Variants in MAST4 observed in about 807,000 individuals in gnomAD.
MAST4 encodes the protein microtubule-associated serine/threonine-protein kinase 4.
MAST4 carries 89 observed loss-of-function variants against 162.7 expected under a neutral mutation model. That is an observed-to-expected ratio of 0.55 (90% confidence interval 0.46 to 0.65). The LOEUF is 0.65. Ranked by LOEUF, MAST4 falls within the 30% of genes least tolerant of loss-of-function variation. The pLI, the probability that MAST4 is intolerant of heterozygous loss-of-function variation, is 0.00. For synonymous variants in MAST4, 1,479 were observed against 1,361.1 expected (o/e 1.09, Z -1.91); for missense variants, 3,153 against 3,374.0 (o/e 0.93, Z 1.62).
At chr5:66,940,472 C>T (rs1743240601) in intron 4 of MAST4, among the ~76,000 whole-genome samples, 1 of 152,054 alleles carries the variant, frequency 6.6e-6, no homozygotes, top group Non-Finnish European at 1.5e-5. Flanking sequence ...ATTCTAAATC[C>T]TTTGGTTTTA....
At chr5:66,957,304 C>T (rs1173546963) in intron 4 of MAST4, among the ~76,000 whole-genome samples, 1 of 151,972 alleles carries the variant, frequency 6.6e-6, no homozygotes, top group African/African-American at 2.4e-5. Flanking sequence ...ACCAACTTTC[C>T]TAAGGAAAGT....
chr5:66,964,657 C>T (rs552208463), intron 4 of MAST4, among the ~76,000 whole-genome samples: 1 of 152,202 alleles, frequency 6.6e-6, no homozygotes, highest in East Asian at 1.9e-4. Flanking sequence ...AAAAATTAGC[C>T]GGGCGTGGTG....
chr5:67,057,793 A>G (rs540513014), intron 5 of MAST4, among the ~76,000 whole-genome samples: 3 of 152,222 alleles, frequency 2.0e-5, no homozygotes, highest in Non-Finnish European at 4.4e-5. Context: ...GTTTGTGCCC[A>G]TGACTGATTG....
At chr5:66,717,381 A>G (rs978204408) in intron 1 of MAST4, among the ~76,000 whole-genome samples, 8 of 152,184 alleles carry the variant, frequency 5.3e-5, no homozygotes, top group Non-Finnish European at 7.3e-5. Flanking sequence ...CAAAGTGGAT[A>G]TTTTTACTAT....
chr5:67,131,767 T>G (rs1483458636), intron 15 of MAST4, 46 bp from the exon 16 acceptor site: 1 of 1,597,526 alleles, frequency 6.3e-7, no homozygotes, highest in African/African-American at 1.3e-5. Flanking sequence ...ATTTTCTACA[T>G]TAAGCCTTCA....
chr5:66,921,634 C>T (rs943618023), intron 4 of MAST4, among the ~76,000 whole-genome samples: 1 of 152,056 alleles, frequency 6.6e-6, no homozygotes, highest in African/African-American at 2.4e-5. Context: ...TGGCGCACGC[C>T]TGTAATCCCA....
chr5:66,732,196 G>C (rs1420202100), intron 1 of MAST4, among the ~76,000 whole-genome samples: 1 of 151,944 alleles, frequency 6.6e-6, no homozygotes, highest in Non-Finnish European at 1.5e-5. Context: ...TTCAGTTACT[G>C]CTGGTCATTG....
intron 4 of MAST4, among the ~76,000 whole-genome samples, chr5:66,997,211 G>T (rs564548010): frequency 6.6e-6 from 1 of 151,878 alleles, no homozygotes; most frequent in African/African-American, 2.4e-5. Context: ...ATATGTGTTT[G>T]GACATGTACA....
At chr5:66,783,257 G>A (rs557956582) in intron 2 of MAST4, 1 of 152,290 alleles carries the variant, frequency 6.6e-6, no homozygotes, top group South Asian at 2.1e-4. Flanking sequence ...AATTTAATGT[G>A]TGTTGGGTAG....
intron 2 of MAST4, among the ~76,000 whole-genome samples, chr5:66,786,409 C>G (rs1001810208): frequency 1.3e-5 from 2 of 151,040 alleles, no homozygotes; most frequent in South Asian, 2.1e-4. Flanking sequence ...CAATCATGCC[C>G]TTTTCCAAAA....
At chr5:67,001,095 G>A (rs1236890015) in intron 4 of MAST4, among the ~76,000 whole-genome samples, 2 of 152,176 alleles carry the variant, frequency 1.3e-5, no homozygotes, top group Non-Finnish European at 2.9e-5. Context: ...ATAGTCTTAA[G>A]AATTTCCAGT....
Position 67,145,163 on chromosome 5 carries a change from A to G in MAST4, c.2878A>G (p.Asn960Asp). Residue 960 changes from asparagine (N) to aspartate (D), a missense_variant, in exon 23 of 29, where the codon AAC (asparagine) becomes GAC (aspartate). Asn to Asp is a conservative substitution (Grantham distance 23). Coordinates refer to ENST00000403625, the MANE Select transcript of MAST4 (RefSeq NM_001164664.2). ...YSEMQQLSTS[N>D]SSDTESNRHK... The stretch of plus-strand genomic sequence containing the variant: ...ATTAAGGCAACAGCTATCAACATCC[A>G]ACTCTTCAGATACTGAAAGCAACAG... The G allele has an allele frequency of 6.2e-7, 1 of 1,610,948 alleles. No homozygotes were observed. Among genetic ancestry groups the G allele is most frequent in the East Asian group, 2.2e-5 (1 of 44,836 alleles).
At chr5:66,764,061 G>A (rs559682599) in intron 2 of MAST4, among the ~76,000 whole-genome samples, 11 of 152,148 alleles carry the variant, frequency 7.2e-5, no homozygotes, top group Non-Finnish European at 1.5e-4. Context: ...GGCATTTGGT[G>A]GTGTATCAGT....
rs115155623 is a variant in MAST4 at position 67,006,094 on chromosome 5, C to T, written c.675-48310C>T. Among the ~76,000 whole-genome samples the T allele has an allele frequency of 8.1e-3, 1,231 of 152,218 alleles. 13 individuals are homozygous for T. The highest frequency in any genetic ancestry group is 0.027 in the African/African-American group (1,141 of 41,528). The stretch of plus-strand genomic sequence containing the variant: ...TGATACTTTAGAAAACTTAGTTTTT[C>T]CTTTTGAAGTTTTTCATGGTTTCTT... On this transcript the variant is annotated intron_variant, in intron 4 of 28. Transcript: ENST00000403625.
chr5:66,756,207 A>G (rs1029578530), intron 1 of MAST4, among the ~76,000 whole-genome samples: 2 of 152,174 alleles, frequency 1.3e-5, no homozygotes, highest in African/African-American at 4.8e-5. Flanking sequence ...CAAATTTTCT[A>G]TGGCTCTTGT....
chr5:66,967,606 A>G (rs1746897097), intron 4 of MAST4, among the ~76,000 whole-genome samples: 2 of 151,470 alleles, frequency 1.3e-5, no homozygotes, highest in South Asian at 4.2e-4. Context: ...AAAGATGCAG[A>G]CTGTATTCCT....
chr5:66,804,641 G>C (rs920909310), intron 3 of MAST4, among the ~76,000 whole-genome samples: 1 of 152,184 alleles, frequency 6.6e-6, no homozygotes, highest in Non-Finnish European at 1.5e-5. Context: ...TGAAAGTAGA[G>C]AGTGGGAAGG....
At position 67,152,655 on chromosome 5, in the gene MAST4, C is replaced by T; in HGVS notation, c.3314C>T (p.Pro1105Leu). Residue 1105 changes from proline to leucine, a missense_variant, in exon 25 of 29, where the codon CCT (proline) becomes CTT (leucine). Pro to Leu is a moderately conservative substitution (Grantham distance 98, BLOSUM62 -3). Around this residue, in one of 7 missense-constraint regions of MAST4, gnomAD observed 619 missense variants for 744.2 expected, o/e 0.83. Coordinates refer to ENST00000403625, the MANE Select transcript of MAST4 (RefSeq NM_001164664.2). ...GTTACAGATATGTTTGCTGTTTCCC[C>T]TCTGGGAAGTCCAATGTCTCCCCAT... ...MIPGDMFAVS[P>L]LGSPMSPHSL... is the part of the protein sequence containing the mutation. 1 of 1,613,940 alleles carries T rather than the reference C, an allele frequency of 6.2e-7. No homozygotes were observed. Among genetic ancestry groups the T allele is most frequent in the Non-Finnish European group, 8.5e-7 (1 of 1,179,798 alleles).
intron 2 of MAST4, 63 bp from the exon 3 acceptor site, chr5:66,788,607 C>CCAACCAA: frequency 1.5e-6 from 2 of 1,373,722 alleles, no homozygotes; most frequent in South Asian, 1.2e-5. Context: ...CCCCCACCCC[C>CCAACCAA]ATTGCAATAA....
Sources: allele counts gnomAD v4.1 joint callset (sites outside exome capture counted in the v4.1 genomes callset), GRCh38; gene constraint gnomAD v4.1.1; regional missense constraint gnomAD v4.1.1; transcripts MANE v1.5; gene names NCBI Gene and HGNC (gene_info 2026-07-23, HGNC 2026-07-21).